Variants in PEX7 observed in about 807,000 individuals in gnomAD.
The protein encoded by PEX7 is peroxisomal biogenesis factor 7.
PEX7 carries 34 observed loss-of-function variants against 47.5 expected under a neutral mutation model. The ratio of observed to expected loss-of-function variants is 0.72; its 90% CI spans 0.54 to 0.95. The LOEUF (loss-of-function observed/expected upper bound fraction) is 0.95. PEX7 is among the 40% of genes least tolerant of loss of function. The probability of loss-of-function intolerance (pLI) is 0.00; values close to 1 mark genes in which losing one functional copy is unlikely to be tolerated. For synonymous variants in PEX7, 141 were observed against 148.8 expected (o/e 0.95, Z 0.38); for missense variants, 394 against 400.3 (o/e 0.98, Z 0.13).
intron 3 of PEX7, among the ~76,000 whole-genome samples, chr6:136,839,318 A>T (rs191612368): frequency 6.6e-6 from 1 of 152,318 alleles, no homozygotes; most frequent in Non-Finnish European, 1.5e-5. Context: ...TTCTGGACAT[A>T]GTTTTTTATT....
At chr6:136,860,409 C>CTTTTT (rs386408726) in intron 5 of PEX7, among the ~76,000 whole-genome samples, 8 of 113,936 alleles carry the variant, frequency 7.0e-5, no homozygotes, top group African/African-American at 1.4e-4. Flanking sequence ...AGCCATGGCT[C>CTTTTT]TTTTTTTTTT....
intron 5 of PEX7, among the ~76,000 whole-genome samples, chr6:136,864,318 A>T (rs961581310): frequency 1.8e-4 from 10 of 54,742 alleles, no homozygotes; most frequent in East Asian, 6.3e-4. Context: ...TTTCTCATAA[A>T]AAAAAAACAC....
chr6:136,831,956 TG>T (rs2115142211), intron 3 of PEX7, among the ~76,000 whole-genome samples: 1 of 152,346 alleles, frequency 6.6e-6, no homozygotes, highest in South Asian at 2.1e-4. Flanking sequence ...TCTACCTTTC[TG>T]GGGCCTGGGG....
chr6:136,875,888 A>G (rs149671364), intron 8 of PEX7, among the ~76,000 whole-genome samples: 54 of 152,262 alleles, frequency 3.5e-4, no homozygotes, highest in African/African-American at 1.3e-3. Context: ...ATTAAAGAAT[A>G]TCCTTCTTTG....
chr6:136,857,713 A>G (rs564092360), intron 5 of PEX7, among the ~76,000 whole-genome samples: 2 of 152,336 alleles, frequency 1.3e-5, no homozygotes, highest in East Asian at 3.9e-4. Flanking sequence ...CATTTCTAAA[A>G]TCAGGGTGAT....
chr6:136,822,599 C>G lies in PEX7; in HGVS notation c.-67C>G, dbSNP rs1774093370. On this transcript the variant is annotated 5_prime_UTR_variant, in exon 1 of 10. Transcript: ENST00000318471. Reference sequence around the variant, plus strand: ...GGTCTGCCTGGTCTCTCTAACCGCGCCAGTGTGCCTCCGACTCGGAACGGC... The same window carrying G: ...GGTCTGCCTGGTCTCTCTAACCGCGGCAGTGTGCCTCCGACTCGGAACGGC... The G allele has an allele frequency of 7.1e-7, 1 of 1,417,798 alleles. No homozygotes were observed. The highest frequency in any genetic ancestry group is 9.6e-7 in the Non-Finnish European group (1 of 1,044,310). 87.8% of individuals were successfully genotyped at this position (1,417,798 alleles called of 1,614,324 possible).
intron 3 of PEX7, among the ~76,000 whole-genome samples, chr6:136,839,190 AG>A (rs1345137358): frequency 1.3e-5 from 2 of 152,162 alleles, no homozygotes; most frequent in African/African-American, 4.8e-5. Context: ...GTCTCAAAAG[AG>A]AAAAAAAAGA....
At chr6:136,838,491 A>G (rs1202956377) in intron 3 of PEX7, among the ~76,000 whole-genome samples, 1 of 152,248 alleles carries the variant, frequency 6.6e-6, no homozygotes, top group Non-Finnish European at 1.5e-5. Context: ...CTTAAGAGAC[A>G]TAACAGCTAA....
chr6:136,913,135 G>T (rs150149104), intron 9 of PEX7, among the ~76,000 whole-genome samples: 162 of 152,274 alleles, frequency 1.1e-3, no homozygotes, highest in African/African-American at 3.1e-3. Context: ...GTATCTTTTC[G>T]ACATTTATAT....
rs1259281581 is a variant in PEX7, at chr6:136,823,445, C to T, written c.130+650C>T. The T allele has an allele frequency of 5.3e-6, 4 of 757,390 alleles. No homozygotes were observed. The South Asian group carries it at 1.8e-4, about 34-fold the overall frequency. 46.9% of individuals were successfully genotyped at this position (757,390 alleles called of 1,614,324 possible). A position where few individuals can be genotyped will look rare whatever the true frequency, so the allele number is the denominator to read the frequency against. On this transcript the variant is annotated intron_variant, in intron 1 of 9. Transcript: ENST00000318471. ...GCATTGGCTCAGCCTGTGGTTAAAG[C>T]TGCTCAGGAGGCTGAGGCGGGAGGA...
At chr6:136,880,853 A>G (rs890944748) in intron 8 of PEX7, among the ~76,000 whole-genome samples, 1 of 152,236 alleles carries the variant, frequency 6.6e-6, no homozygotes, top group African/African-American at 2.4e-5. Flanking sequence ...GATTCATTCA[A>G]TACAAGCGGG....
intron 8 of PEX7, among the ~76,000 whole-genome samples, chr6:136,875,227 CT>C (rs1396409785): frequency 1.3e-5 from 2 of 148,556 alleles, no homozygotes; most frequent in Admixed American, 6.7e-5. Context: ...TTTTGTTGTT[CT>C]TTTTTTCAGC....
At chr6:136,825,328 ATTAGGTT>A in intron 2 of PEX7, 57 bp downstream of exon 2, 1 of 1,384,618 alleles carries the variant, frequency 7.2e-7, no homozygotes, top group South Asian at 1.2e-5. Context: ...CCTTAATAGA[ATTAGGTT>A]TTGACTCTTT....
intron 7 of PEX7, among the ~76,000 whole-genome samples, chr6:136,871,875 T>C (rs1405037819): frequency 2.6e-5 from 4 of 152,196 alleles, no homozygotes; most frequent in Non-Finnish European, 5.9e-5. Context: ...AGAATCATTT[T>C]TGGATAGCCA....
intron 9 of PEX7, chr6:136,901,220 G>A (rs1261180721): frequency 6.6e-6 from 1 of 152,278 alleles, no homozygotes; most frequent in Non-Finnish European, 1.5e-5. Flanking sequence ...CTCTTTTCTA[G>A]GGGAGATATG....
At chr6:136,893,017 C>A (rs892338496) in intron 8 of PEX7, among the ~76,000 whole-genome samples, 24 of 152,174 alleles carry the variant, frequency 1.6e-4, no homozygotes, top group Non-Finnish European at 3.1e-4. Context: ...GATCATAGAC[C>A]GATGTTAACA....
rs796749504 is a variant in PEX7 at position 136,857,345 on chromosome 6, T to C, written c.527-9282T>C. Among the ~76,000 whole-genome samples, 4 of 152,214 alleles carry C rather than the reference T, an allele frequency of 2.6e-5. No homozygotes were observed. In the South Asian group the frequency reaches 8.3e-4, roughly 32 times the overall value. On this transcript the variant is annotated intron_variant, in intron 5 of 9. Coordinates refer to ENST00000318471, the MANE Select transcript of PEX7 (RefSeq NM_000288.4). ...ATTATATAAGATATGGGAGTAACCA[T>C]CTTATTCAAATTTTTAAAACATACT...
chr6:136,894,616 G>A (rs947019006), intron 8 of PEX7, among the ~76,000 whole-genome samples: 2 of 152,052 alleles, frequency 1.3e-5, no homozygotes, highest in South Asian at 4.1e-4. Flanking sequence ...ATAATAAAAT[G>A]TTTAAAGAAG....
chr6:136,883,238 GTTTAA>G (rs778981306), intron 8 of PEX7, among the ~76,000 whole-genome samples: 1 of 152,130 alleles, frequency 6.6e-6, no homozygotes, highest in African/African-American at 2.4e-5. Context: ...ATTATTTTAA[GTTTAA>G]TTTAAATGTT....
Sources: allele counts gnomAD v4.1 joint callset (sites outside exome capture counted in the v4.1 genomes callset), GRCh38; gene constraint gnomAD v4.1.1; transcripts MANE v1.5; gene names NCBI Gene and HGNC (gene_info 2026-07-23, HGNC 2026-07-21).